Variants in NUP133 observed in about 807,000 individuals in gnomAD.
NUP133 encodes the protein nucleoporin 133.
Under a neutral mutation model 146.2 loss-of-function variants are expected in NUP133, and 66 were observed. The ratio of observed to expected loss-of-function variants is 0.45; its 90% CI spans 0.37 to 0.55. NUP133 has a LOEUF of 0.55. Among genes scored for constraint, NUP133 ranks in the 20% least tolerant of loss-of-function variants. The pLI is 0.00. For missense variants in NUP133, 1,277 were observed against 1,374.8 expected (o/e 0.93, Z 1.12); for synonymous variants, 521 against 498.8 (o/e 1.04, Z -0.59).
At chr1:229,465,594 G>T in intron 16 of NUP133, 75 bp from the exon 17 acceptor site, 2 of 1,134,372 alleles carry the variant, frequency 1.8e-6, no homozygotes, top group Non-Finnish European at 2.6e-6. Flanking sequence ...ATTTAAGACA[G>T]CAAAGTAAAT....
At chr1:229,507,373 A>G (rs986373620) in intron 1 of NUP133, among the ~76,000 whole-genome samples, 3 of 152,228 alleles carry the variant, frequency 2.0e-5, no homozygotes, top group African/African-American at 7.2e-5. Flanking sequence ...ATGAATTCAG[A>G]GAAAACTATG....
At chr1:229,444,717 C>A (rs555625446) in intron 25 of NUP133, among the ~76,000 whole-genome samples, 197 bp downstream of exon 25, 1 of 151,886 alleles carries the variant, frequency 6.6e-6, no homozygotes, top group African/African-American at 2.4e-5. Context: ...CATGGTAGCA[C>A]AGGTCTGTAG....
chr1:229,476,521 C>T (rs1303218707), intron 13 of NUP133, among the ~76,000 whole-genome samples: 1 of 152,180 alleles, frequency 6.6e-6, no homozygotes, highest in Non-Finnish European at 1.5e-5. Context: ...GGCAGCTAGA[C>T]ATGTCTTGTC....
intron 20 of NUP133, among the ~76,000 whole-genome samples, chr1:229,459,239 C>T (rs1002663861): frequency 6.6e-6 from 1 of 151,994 alleles, no homozygotes; most frequent in Non-Finnish European, 1.5e-5. Context: ...AAAAATGTTC[C>T]TGGCTGGGTG....
intron 2 of NUP133, among the ~76,000 whole-genome samples, chr1:229,502,965 A>AT (rs1427065450): frequency 6.6e-6 from 1 of 151,950 alleles, no homozygotes; most frequent in Non-Finnish European, 1.5e-5. Context: ...AAAAATAAGT[A>AT]AGCAGAAACA....
intron 19 of NUP133, among the ~76,000 whole-genome samples, chr1:229,462,506 GA>G (rs1660715143): frequency 6.6e-6 from 1 of 151,868 alleles, no homozygotes; most frequent in Non-Finnish European, 1.5e-5. Flanking sequence ...TCAACTGACT[GA>G]ATAGACTGGC....
At chr1:229,450,687 A>G in intron 22 of NUP133, 82 bp from the exon 23 acceptor site, 1 of 631,250 alleles carries the variant, frequency 1.6e-6, no homozygotes, top group South Asian at 2.5e-5. Context: ...AGAAGTCATT[A>G]TGTCTTGTAA....
intron 8 of NUP133, among the ~76,000 whole-genome samples, chr1:229,491,136 GT>G (rs2102778301): frequency 6.6e-6 from 1 of 152,206 alleles, no homozygotes; most frequent in South Asian, 2.1e-4. Context: ...TATAAATGAA[GT>G]TTTGTTCGAA....
chr1:229,470,737 A>C lies in NUP133; in HGVS notation c.1919T>G (p.Leu640Arg). The C allele has an allele frequency of 6.2e-7, 1 of 1,614,232 alleles. No homozygotes were observed. The highest frequency in any genetic ancestry group is 8.5e-7 in the Non-Finnish European group (1 of 1,180,046). Residue 640 changes from leucine to arginine, a missense_variant, in exon 15 of 26, where the codon CTC becomes CGC. Coordinates refer to ENST00000261396, the MANE Select transcript of NUP133 (RefSeq NM_018230.3). ...TGACAGCTTTTCGGCATGCTCACAG[A>C]GCAACAGTCGAGTGGCCATCGGTGT... ...RGTPMATRLL[L>R]CEHAEKLSAA...
At chr1:229,461,777 T>A (rs1470334489) in intron 19 of NUP133, among the ~76,000 whole-genome samples, 1 of 151,794 alleles carries the variant, frequency 6.6e-6, no homozygotes. Context: ...CAAAAATGCA[T>A]GAAAAGAGAA....
At chr1:229,470,898 C>G in intron 14 of NUP133, 94 bp from the exon 15 acceptor site, 1 of 1,059,860 alleles carries the variant, frequency 9.4e-7, no homozygotes. Context: ...CCTGGGCAGT[C>G]ACTGGCCCCA....
At chr1:229,465,543 T>A in intron 16 of NUP133, 24 bp from the exon 17 acceptor site, 1 of 1,523,696 alleles carries the variant, frequency 6.6e-7, no homozygotes, top group Non-Finnish European at 9.1e-7. Context: ...TAATGTGTTA[T>A]CACATGCAAA....
intron 6 of NUP133, 104 bp from the exon 7 acceptor site, chr1:229,496,151 CAGA>C (rs1225758961): frequency 1.1e-6 from 1 of 884,676 alleles, no homozygotes; most frequent in African/African-American, 1.8e-5. Flanking sequence ...GTAATCCTAG[CAGA>C]ATTCTTCATT....
intron 14 of NUP133, among the ~76,000 whole-genome samples, chr1:229,474,941 A>G (rs948705104): frequency 6.6e-6 from 1 of 151,984 alleles, no homozygotes; most frequent in African/African-American, 2.4e-5. Flanking sequence ...TGTCTCTACA[A>G]AAACTGAAAA....
At chr1:229,470,997 G>A (rs1660943277) in intron 14 of NUP133, among the ~76,000 whole-genome samples, 193 bp from the exon 15 acceptor site, 1 of 152,116 alleles carries the variant, frequency 6.6e-6, no homozygotes, top group South Asian at 2.1e-4. Context: ...ACACCCACAA[G>A]GAAATGTAGA....
intron 12 of NUP133, among the ~76,000 whole-genome samples, chr1:229,480,593 G>A (rs962725363): frequency 6.6e-6 from 1 of 152,194 alleles, no homozygotes; most frequent in African/African-American, 2.4e-5. Context: ...ACTTAAAAGT[G>A]TTATCTACCA....
At chr1:229,505,978 T>C (rs1052718299) in intron 2 of NUP133, 62 bp downstream of exon 2, 9 of 933,296 alleles carry the variant, frequency 9.6e-6, no homozygotes, top group Non-Finnish European at 1.6e-5. Flanking sequence ...ATTTAATCTC[T>C]ATGCCACATC....
At chr1:229,487,649 G>C in intron 9 of NUP133, 36 bp from the exon 10 acceptor site, 1 of 1,468,986 alleles carries the variant, frequency 6.8e-7, no homozygotes, top group Non-Finnish European at 9.3e-7. Context: ...TTAACAAGAA[G>C]TAAAACAAAA....
At chr1:229,485,090 G>T (rs901122966) in intron 11 of NUP133, among the ~76,000 whole-genome samples, 2 of 152,078 alleles carry the variant, frequency 1.3e-5, no homozygotes, top group African/African-American at 4.8e-5. Context: ...GATATTTCAG[G>T]TTTCAAGACA....
Sources: allele counts gnomAD v4.1 joint callset (sites outside exome capture counted in the v4.1 genomes callset), GRCh38; gene constraint gnomAD v4.1.1; transcripts MANE v1.5; gene names NCBI Gene and HGNC (gene_info 2026-07-23, HGNC 2026-07-21).